The following PDE4B variants were observed in gnomAD, a reference collection of about 807,000 sequenced individuals.
PDE4B encodes 3',5'-cyclic-AMP phosphodiesterase 4B.
A neutral mutation model predicts 82.2 loss-of-function variants in PDE4B; 20 were observed. The observed-to-expected ratio is 0.24, with a 90% CI of 0.17 to 0.35. The LOEUF (loss-of-function observed/expected upper bound fraction) is 0.35. Ranked by LOEUF, PDE4B falls within the 10% of genes least tolerant of loss-of-function variation. The probability of loss-of-function intolerance (pLI) is 1.00; values close to 1 mark genes in which losing one functional copy is unlikely to be tolerated. For missense variants in PDE4B, 655 were observed against 907.2 expected (o/e 0.72, Z 3.57); for synonymous variants, 320 against 318.9 (o/e 1.00, Z -0.04).
At chr1:66,132,293 G>T (rs542688843) in intron 3 of PDE4B, among the ~76,000 whole-genome samples, 3 of 152,316 alleles carry the variant, frequency 2.0e-5, no homozygotes, top group African/African-American at 7.2e-5. Context: ...AAGCTTTGTA[G>T]TCTGATAGAT....
chr1:66,104,530 G>A, intron 3 of PDE4B, among the ~76,000 whole-genome samples: 1 of 142,640 alleles, frequency 7.0e-6, no homozygotes, highest in African/African-American at 2.6e-5. Flanking sequence ...TTCCACAATG[G>A]TTGAACTAGT....
At chr1:66,119,290 C>T (rs1645660504) in intron 3 of PDE4B, among the ~76,000 whole-genome samples, 2 of 152,142 alleles carry the variant, frequency 1.3e-5, no homozygotes, top group African/African-American at 2.4e-5. Flanking sequence ...GTGTGTTTTC[C>T]ACTGTGATTT....
At position 65,947,118 on chromosome 1, in the gene PDE4B, T is replaced by C. The variant is rs546585762; in HGVS notation, c.281+28283T>C. 1.1e-4 allele frequency among the ~76,000 whole-genome samples: 16 copies of C among 152,164 alleles called. No homozygotes were observed. The South Asian group carries it at 2.5e-3, about 24-fold the overall frequency. ...TCCTCAATATAGTGGACCAGTGTGATGTTCTGCAGAATGTCCAGATGACTC... is the reference window on the plus strand; with the variant it reads ...TCCTCAATATAGTGGACCAGTGTGACGTTCTGCAGAATGTCCAGATGACTC... On this transcript the variant is annotated intron_variant, in intron 3 of 16. Coordinates refer to ENST00000341517, the MANE Select transcript of PDE4B (RefSeq NM_002600.4).
intron 7 of PDE4B, among the ~76,000 whole-genome samples, chr1:66,310,329 C>T (rs1658578836): frequency 1.3e-5 from 2 of 152,146 alleles, no homozygotes; most frequent in African/African-American, 2.4e-5. Flanking sequence ...TCAAATCTCC[C>T]AATACCCAGT....
intron 3 of PDE4B, among the ~76,000 whole-genome samples, chr1:65,945,178 C>T (rs1461746299): frequency 1.3e-5 from 2 of 151,892 alleles, no homozygotes; most frequent in African/African-American, 4.8e-5. Context: ...TATAGGGTTC[C>T]ATGCTATAGA....
intron 3 of PDE4B, among the ~76,000 whole-genome samples, chr1:66,137,146 C>T (rs1376617120): frequency 1.3e-5 from 2 of 152,080 alleles, no homozygotes; most frequent in African/African-American, 4.8e-5. Flanking sequence ...GCAATGTTCA[C>T]AGGCTGAGGG....
chr1:65,824,598 G>T (rs1419594132), intron 1 of PDE4B, among the ~76,000 whole-genome samples: 1 of 149,670 alleles, frequency 6.7e-6, no homozygotes, highest in Non-Finnish European at 1.5e-5. Context: ...ATTTATATAT[G>T]AATACTTCAC....
intron 3 of PDE4B, among the ~76,000 whole-genome samples, chr1:66,111,438 T>A (rs1218247524): frequency 6.6e-6 from 1 of 152,054 alleles, no homozygotes; most frequent in Non-Finnish European, 1.5e-5. Flanking sequence ...CTGCCTTAAG[T>A]TCCTGGCAAC....
Position 66,131,638 on chromosome 1 carries a change from T to TATATATATATATATA in PDE4B, c.282-115822_282-115821insATATATATATATATA, listed in dbSNP as rs1553149837. Among the ~76,000 whole-genome samples, 185 of 120,240 alleles carry TATATATATATATATA rather than the reference T, an allele frequency of 1.5e-3. 1 individual carries two copies. Among genetic ancestry groups the TATATATATATATATA allele is most frequent in the Non-Finnish European group, 2.2e-3 (125 of 57,612 alleles). The allele number at this position is 120,240 out of a possible 152,430, so 78.9% of individuals were successfully genotyped here. A position where few individuals can be genotyped will look rare whatever the true frequency, so the allele number is the denominator to read the frequency against. ...ATATATATATATATATATATATATA[T>TATATATATATATATA]TACTAACCAGGGAAAGGATGATGAT... On this transcript the variant is annotated intron_variant, in intron 3 of 16. Coordinates refer to ENST00000341517, the MANE Select transcript of PDE4B (RefSeq NM_002600.4).
intron 4 of PDE4B, 98 bp downstream of exon 4, chr1:66,247,752 A>C: frequency 1.1e-6 from 1 of 899,500 alleles, no homozygotes. Flanking sequence ...ATCTATGGTA[A>C]GGATGAAGGA....
At chr1:65,929,969 C>T (rs963539846) in intron 3 of PDE4B, among the ~76,000 whole-genome samples, 6 of 152,126 alleles carry the variant, frequency 3.9e-5, no homozygotes. Flanking sequence ...TAGAACCATT[C>T]TTGGTACCAA....
At chr1:66,315,011 C>A (rs1658931585) in intron 7 of PDE4B, among the ~76,000 whole-genome samples, 2 of 152,200 alleles carry the variant, frequency 1.3e-5, no homozygotes, top group South Asian at 4.1e-4. Flanking sequence ...AGGACAATGA[C>A]AACTGTGTCT....
At chr1:66,208,515 G>A (rs918089382) in intron 3 of PDE4B, among the ~76,000 whole-genome samples, 1 of 152,208 alleles carries the variant, frequency 6.6e-6, no homozygotes, top group African/African-American at 2.4e-5. Flanking sequence ...TAATTGTCAA[G>A]AGAAGCTATG....
intron 3 of PDE4B, among the ~76,000 whole-genome samples, chr1:66,208,429 G>C (rs1391552194): frequency 6.6e-6 from 1 of 152,210 alleles, no homozygotes; most frequent in Admixed American, 6.5e-5. Flanking sequence ...ACACCAGCCA[G>C]TTCTAGAGAG....
chr1:65,914,056 T>A (rs2100461229), intron 2 of PDE4B, among the ~76,000 whole-genome samples: 1 of 152,330 alleles, frequency 6.6e-6, no homozygotes, highest in Non-Finnish European at 1.5e-5. Flanking sequence ...AGTGTGTCTT[T>A]AATTGTCTCA....
At chr1:66,144,560 C>G (rs570621088) in intron 3 of PDE4B, among the ~76,000 whole-genome samples, 4 of 152,260 alleles carry the variant, frequency 2.6e-5, no homozygotes, top group African/African-American at 9.6e-5. Context: ...AAGTTAGAAA[C>G]TTTAAGCATT....
intron 3 of PDE4B, among the ~76,000 whole-genome samples, chr1:66,030,312 C>A (rs66523735): frequency 0.06 from 9,148 of 152,086 alleles, 701 homozygotes; most frequent in East Asian, 0.36. Context: ...CTGAAGTTCC[C>A]TTTTTTCAGT....
At chr1:66,161,168 T>C (rs1646605185) in intron 3 of PDE4B, among the ~76,000 whole-genome samples, 1 of 152,048 alleles carries the variant, frequency 6.6e-6, no homozygotes, top group Non-Finnish European at 1.5e-5. Context: ...ATCTAACAAC[T>C]CCTACAGAAC....
intron 3 of PDE4B, among the ~76,000 whole-genome samples, chr1:66,111,295 A>G (rs571400245): frequency 1.1e-4 from 16 of 152,226 alleles, no homozygotes; most frequent in African/African-American, 3.6e-4. Flanking sequence ...TGCTTTAAAC[A>G]TTTTTAAAGA....
Sources: gnomAD v4.1 joint callset for allele counts (sites outside exome capture counted in the v4.1 genomes callset) on GRCh38, gnomAD v4.1.1 for gene constraint, MANE v1.5 for transcripts, NCBI Gene and HGNC (gene_info 2026-07-23, HGNC 2026-07-21) for gene names.